The following EDNRB variants were observed in gnomAD, a reference collection of about 807,000 sequenced individuals.
The protein encoded by EDNRB is endothelin receptor type B.
A neutral mutation model predicts 46.4 loss-of-function variants in EDNRB; 18 were observed. The ratio of observed to expected loss-of-function variants is 0.39; its 90% CI spans 0.27 to 0.57. The LOEUF is 0.57. EDNRB is among the 20% of genes least tolerant of loss of function. The pLI, the probability that EDNRB is intolerant of heterozygous loss-of-function variation, is 0.61. For synonymous variants in EDNRB, 213 were observed against 204.9 expected (o/e 1.04, Z -0.34); for missense variants, 434 against 537.5 (o/e 0.81, Z 1.90).
Position 77,899,868 on chromosome 13 carries a change from G to A in EDNRB, c.1185C>T (p.Asn395=), listed in dbSNP as rs761744288. Residue 395 remains asparagine, a synonymous_variant, in exon 6 of 7, where the codon AAC becomes AAT. Transcript: ENST00000646607. ...TGGGATAGTCTCTTACCTTAAAGCA[G>A]TTTTTGAATCTTTTGCTCACCAAAT... ...ALYLVSKRFK[N]CFKSCLCCWC... is the part of the protein sequence containing the mutation. 1 of 1,611,364 alleles carries A rather than the reference G, an allele frequency of 6.2e-7. No individual in the cohort carries two copies. The highest frequency in any genetic ancestry group is 1.1e-5 in the South Asian group (1 of 91,038).
intron 1 of EDNRB, among the ~76,000 whole-genome samples, chr13:77,968,076 G>A (rs1382295275): frequency 6.6e-6 from 1 of 152,006 alleles, no homozygotes; most frequent in Non-Finnish European, 1.5e-5. Context: ...TTCCTTATCA[G>A]TAATATTACA....
intron 1 of EDNRB, among the ~76,000 whole-genome samples, chr13:77,949,690 C>T (rs7324245): frequency 0.64 from 97,257 of 151,904 alleles, 31,773 homozygotes; most frequent in Middle Eastern, 0.8. Context: ...AAATATGAAC[C>T]TACCTGGCAG....
rs1393270560 is a variant in EDNRB at position 77,918,673 on chromosome 13, G to T, written c.-100C>A. ...GACAGGACACTTGGGTCAGCTGCCC[G>T]AGCCAAGTCGCTGCAAACGCTAATA... On this transcript the variant is annotated 5_prime_UTR_variant, in exon 1 of 7. Transcript: ENST00000646607. The surrounding 1 kb of genome is among the most constrained non-coding windows in gnomAD (Gnocchi z 4.5). 1.4e-6 allele frequency: 2 copies of T among 1,450,030 alleles called. No individual in the cohort carries two copies. Among genetic ancestry groups the T allele is most frequent in the Non-Finnish European group, 1.8e-6 (2 of 1,109,158 alleles). The allele number at this position is 1,450,030 out of a possible 1,614,324, so 89.8% of individuals were successfully genotyped here.
chr13:77,961,105 C>A (rs1032721568), intron 1 of EDNRB, among the ~76,000 whole-genome samples: 1 of 152,086 alleles, frequency 6.6e-6, no homozygotes, highest in Non-Finnish European at 1.5e-5. Flanking sequence ...GAGACTTTAA[C>A]ACCCCACTGT....
chr13:77,930,615 T>C (rs1178802057), intron 1 of EDNRB, among the ~76,000 whole-genome samples: 3 of 152,202 alleles, frequency 2.0e-5, no homozygotes, highest in Non-Finnish European at 4.4e-5. Flanking sequence ...ACAGTAGACA[T>C]AAACCATGCA....
chr13:77,940,425 A>G (rs1053769528), intron 1 of EDNRB, among the ~76,000 whole-genome samples: 1 of 152,184 alleles, frequency 6.6e-6, no homozygotes, highest in African/African-American at 2.4e-5. Flanking sequence ...TTTCAGAAAA[A>G]TGGAATACCT....
chr13:77,903,091 G>A (rs1879081687), intron 3 of EDNRB, 65 bp downstream of exon 3: 36 of 1,555,600 alleles, frequency 2.3e-5, no homozygotes, highest in Non-Finnish European at 3.1e-5. Flanking sequence ...GTGGGGAACA[G>A]GGGAAAAATA....
intron 1 of EDNRB, among the ~76,000 whole-genome samples, chr13:77,962,732 C>T (rs140924899): frequency 0.04 from 6,074 of 152,260 alleles, 395 homozygotes; most frequent in African/African-American, 0.13. Context: ...TGCCCTCTCT[C>T]ACCACTCCTA....
chr13:77,934,037 C>G (rs1880478790), intron 1 of EDNRB, among the ~76,000 whole-genome samples: 1 of 152,190 alleles, frequency 6.6e-6, no homozygotes, highest in African/African-American at 2.4e-5. Flanking sequence ...TATTTATTTA[C>G]TTTAAGAGTT....
At chr13:77,938,777 G>A (rs1395297663) in intron 1 of EDNRB, among the ~76,000 whole-genome samples, 1 of 152,164 alleles carries the variant, frequency 6.6e-6, no homozygotes, top group Non-Finnish European at 1.5e-5. Context: ...AAAGGAGAAA[G>A]TGGTTGAGGG....
rs551410872 is a variant in EDNRB at position 77,914,712 on chromosome 13, C to A, written c.483+3379G>T. Among the ~76,000 whole-genome samples the A allele has an allele frequency of 4.6e-5, 7 of 152,326 alleles. No individual in the cohort carries two copies. In the South Asian group the frequency reaches 1.5e-3, roughly 32 times the overall value. ...TTCCTAAAAGTTTCCAGGGACCCAG[C>A]TCCTTGAGGAAGTCCAGGCAGATCA... On this transcript the variant is annotated intron_variant, in intron 1 of 6. Coordinates refer to ENST00000646607, the MANE Select transcript of EDNRB (RefSeq NM_001122659.3).
At position 77,916,708 on chromosome 13, in the gene EDNRB, C is replaced by A. The variant is rs12720177; in HGVS notation, c.483+1383G>T. 4.5e-3 allele frequency among the ~76,000 whole-genome samples: 683 copies of A among 152,304 alleles called. 3 individuals carry two copies. Among genetic ancestry groups the A allele is most frequent in the African/African-American group, 0.016 (656 of 41,566 alleles). ...AAGCATTCCCTACAACATTTCCCAA[C>A]TTTACATTCCATTTTTTTCCCCTTG... On this transcript the variant is annotated intron_variant, in intron 1 of 6. Coordinates refer to ENST00000646607, the MANE Select transcript of EDNRB (RefSeq NM_001122659.3).
At chr13:77,899,484 A>C (rs562385472) in intron 6 of EDNRB, 1 of 200,926 alleles carries the variant, frequency 5.0e-6, no homozygotes, top group South Asian at 8.3e-5. Context: ...TAGTTATAAT[A>C]ATAATTGCAG....
At chr13:77,948,322 A>C (rs918116657) in intron 1 of EDNRB, among the ~76,000 whole-genome samples, 14 of 152,220 alleles carry the variant, frequency 9.2e-5, no homozygotes, top group African/African-American at 3.4e-4. Context: ...AAATAAAGTC[A>C]GCTTCAAATC....
intron 1 of EDNRB, among the ~76,000 whole-genome samples, chr13:77,912,551 C>T (rs1291699143): frequency 6.6e-6 from 1 of 152,040 alleles, no homozygotes; most frequent in African/African-American, 2.4e-5. Flanking sequence ...GTGGAAAAAG[C>T]CCACTACTCT....
intron 1 of EDNRB, among the ~76,000 whole-genome samples, chr13:77,925,462 C>A (rs1880210536): frequency 6.6e-6 from 1 of 152,188 alleles, no homozygotes; most frequent in Non-Finnish European, 1.5e-5. Flanking sequence ...TGGATGAATG[C>A]ACAAATAAAT....
At chr13:77,907,664 C>T (rs1474865984) in intron 1 of EDNRB, among the ~76,000 whole-genome samples, 1 of 151,594 alleles carries the variant, frequency 6.6e-6, no homozygotes, top group African/African-American at 2.4e-5. Context: ...AAATTATTTC[C>T]AAATATGTTA....
At chr13:77,912,601 G>A (rs985629167) in intron 1 of EDNRB, among the ~76,000 whole-genome samples, 4 of 152,116 alleles carry the variant, frequency 2.6e-5, no homozygotes, top group Non-Finnish European at 5.9e-5. Context: ...AAGCATTTGT[G>A]TAGTATTGAC....
chr13:77,917,633 G>A (rs540854216), intron 1 of EDNRB, among the ~76,000 whole-genome samples: 1 of 152,240 alleles, frequency 6.6e-6, no homozygotes, highest in East Asian at 1.9e-4. Flanking sequence ...ACTAGAGGAT[G>A]TACCCCATTA....
Sources: allele counts gnomAD v4.1 joint callset (sites outside exome capture counted in the v4.1 genomes callset), GRCh38; gene constraint gnomAD v4.1.1; non-coding constraint Gnocchi (gnomAD v3.1); transcripts MANE v1.5; gene names NCBI Gene and HGNC (gene_info 2026-07-23, HGNC 2026-07-21).